Variants in ROR2 observed in about 807,000 individuals in gnomAD.
ROR2 encodes the protein tyrosine-protein kinase transmembrane receptor ROR2.
In ROR2, 33 loss-of-function variants were observed where a neutral mutation model predicts 74.9. The ratio of observed to expected loss-of-function variants is 0.44; its 90% CI spans 0.33 to 0.59. The LOEUF (loss-of-function observed/expected upper bound fraction) is 0.59, where lower values mean the gene tolerates loss of function less well. Ranked by LOEUF, ROR2 falls within the 20% of genes least tolerant of loss-of-function variation. The probability of loss-of-function intolerance (pLI) is 0.02; values close to 1 mark genes in which losing one functional copy is unlikely to be tolerated. For missense variants in ROR2, 1,216 were observed against 1,313.8 expected (o/e 0.93, Z 1.15); for synonymous variants, 586 against 558.7 (o/e 1.05, Z -0.69).
intron 1 of ROR2, among the ~76,000 whole-genome samples, chr9:91,804,147 C>CA (rs1350839672): frequency 6.6e-6 from 1 of 152,156 alleles, no homozygotes; most frequent in Non-Finnish European, 1.5e-5. Flanking sequence ...CTGCTCAGCA[C>CA]AGAGCCAGGC....
chr9:91,801,819 C>T (rs898266761), intron 1 of ROR2, among the ~76,000 whole-genome samples: 1 of 152,240 alleles, frequency 6.6e-6, no homozygotes, highest in Non-Finnish European at 1.5e-5. Context: ...GGTTCCTTGA[C>T]TGGATATGCT....
intron 1 of ROR2, among the ~76,000 whole-genome samples, chr9:91,785,705 G>C (rs1485388849): frequency 6.6e-6 from 1 of 152,098 alleles, no homozygotes; most frequent in Non-Finnish European, 1.5e-5. Flanking sequence ...TCACAGTTCA[G>C]AGCCCCTGCG....
intron 1 of ROR2, among the ~76,000 whole-genome samples, chr9:91,835,417 C>A (rs1293672337): frequency 1.3e-5 from 2 of 152,188 alleles, no homozygotes; most frequent in Non-Finnish European, 2.9e-5. Context: ...CACACTGCCC[C>A]CAGCCCTCAT....
intron 1 of ROR2, among the ~76,000 whole-genome samples, chr9:91,921,701 TA>T (rs1032325231): frequency 1.3e-5 from 2 of 151,978 alleles, no homozygotes; most frequent in African/African-American, 4.8e-5. Context: ...CTGTCTCTAC[TA>T]AAAACACAAA....
chr9:91,876,120 C>T (rs758115843), intron 1 of ROR2, among the ~76,000 whole-genome samples: 2 of 152,042 alleles, frequency 1.3e-5, no homozygotes, highest in African/African-American at 2.4e-5. Flanking sequence ...CACCTGGAAT[C>T]CCAGCACTTT....
At chr9:91,860,711 C>T (rs796537050) in intron 1 of ROR2, among the ~76,000 whole-genome samples, 15 of 152,258 alleles carry the variant, frequency 9.9e-5, no homozygotes, top group African/African-American at 3.6e-4. Context: ...GTCTCAGCTC[C>T]GGGAGAGAGA....
At chr9:91,941,949 C>G (rs919480940) in intron 1 of ROR2, among the ~76,000 whole-genome samples, 1 of 152,102 alleles carries the variant, frequency 6.6e-6, no homozygotes, top group Admixed American at 6.6e-5. Flanking sequence ...TGTCACCACG[C>G]CCGGCTAACT....
intron 2 of ROR2, among the ~76,000 whole-genome samples, chr9:91,770,367 C>T (rs139526895): frequency 1.3e-5 from 2 of 152,220 alleles, no homozygotes; most frequent in East Asian, 1.9e-4. Context: ...CGCCTGCTGG[C>T]GGTCAGCACG....
intron 1 of ROR2, among the ~76,000 whole-genome samples, chr9:91,922,225 G>A (rs1251876428): frequency 6.6e-6 from 1 of 152,040 alleles, no homozygotes; most frequent in Non-Finnish European, 1.5e-5. Context: ...TGCAGCCACT[G>A]TGGAAAAGTC....
chr9:91,934,420 C>T (rs1310424421), intron 1 of ROR2, among the ~76,000 whole-genome samples: 1 of 152,144 alleles, frequency 6.6e-6, no homozygotes, highest in Non-Finnish European at 1.5e-5. Flanking sequence ...ATAATTGGCC[C>T]CAGCCAAAAC....
At chr9:91,810,002 C>T (rs1441373657) in intron 1 of ROR2, among the ~76,000 whole-genome samples, 1 of 152,216 alleles carries the variant, frequency 6.6e-6, no homozygotes, top group African/African-American at 2.4e-5. Context: ...CAAGTGAGAC[C>T]CCACACAGGC....
At chr9:91,800,429 C>A (rs1255035627) in intron 1 of ROR2, among the ~76,000 whole-genome samples, 1 of 152,048 alleles carries the variant, frequency 6.6e-6, no homozygotes, top group Admixed American at 6.6e-5. Context: ...TTGGCCAGCA[C>A]CTCTCTTAGC....
intron 1 of ROR2, among the ~76,000 whole-genome samples, chr9:91,904,052 G>C (rs112315755): frequency 1.6e-5 from 1 of 63,840 alleles, no homozygotes; most frequent in Non-Finnish European, 3.2e-5. Context: ...GTTTTTTTTT[G>C]GGGGGGGGGA....
chr9:91,881,080 G>T (rs73651587), intron 1 of ROR2, among the ~76,000 whole-genome samples: 2 of 152,108 alleles, frequency 1.3e-5, no homozygotes, highest in Admixed American at 6.5e-5. Context: ...GATGGCTAGA[G>T]GGGGGAGAAG....
At chr9:91,835,566 G>A (rs565159701) in intron 1 of ROR2, among the ~76,000 whole-genome samples, 2 of 152,314 alleles carry the variant, frequency 1.3e-5, no homozygotes, top group African/African-American at 4.8e-5. Context: ...CATCTCCTAT[G>A]AGTGAAAATG....
intron 1 of ROR2, among the ~76,000 whole-genome samples, chr9:91,803,490 C>T (rs1827456218): frequency 6.6e-6 from 1 of 152,220 alleles, no homozygotes; most frequent in Non-Finnish European, 1.5e-5. Flanking sequence ...TGTATCAGAA[C>T]TGTACACTCA....
At chr9:91,848,830 T>G (rs1829010900) in intron 1 of ROR2, among the ~76,000 whole-genome samples, 1 of 150,964 alleles carries the variant, frequency 6.6e-6, no homozygotes, top group Admixed American at 6.6e-5. Context: ...ACTAGACTCA[T>G]GCTGGCTGAG....
rs532653398 is a variant in ROR2, at chr9:91,726,841, C to T, written c.1184-98G>A. The T allele has an allele frequency of 5.7e-5, 65 of 1,138,700 alleles. No homozygotes were observed. In the Admixed American group the frequency reaches 1.1e-3, roughly 19 times the overall value. 70.5% of individuals were successfully genotyped at this position (1,138,700 alleles called of 1,614,324 possible). ...TCTCCACCTCCAGCCAAAATCTTCA[C>T]GTGCACGTGTGTCATCACCTAAGTT... On this transcript the variant is annotated intron_variant, in intron 7 of 8. Transcript: ENST00000375708.
intron 1 of ROR2, among the ~76,000 whole-genome samples, chr9:91,865,587 G>C (rs1829608239): frequency 6.6e-6 from 1 of 152,208 alleles, no homozygotes; most frequent in East Asian, 1.9e-4. Flanking sequence ...CAAATTTGCA[G>C]ATCAGTCCTT....
Sources: gnomAD v4.1 joint callset for allele counts (sites outside exome capture counted in the v4.1 genomes callset) on GRCh38, gnomAD v4.1.1 for gene constraint, MANE v1.5 for transcripts, NCBI Gene and HGNC (gene_info 2026-07-23, HGNC 2026-07-21) for gene names.